Variants in SLC35F1 observed in about 807,000 individuals in gnomAD.
The protein encoded by SLC35F1 is solute carrier family 35 member F1, also known as chromosome 6 open reading frame 169.
SLC35F1 carries 14 observed loss-of-function variants against 48.7 expected under a neutral mutation model. The observed-to-expected ratio is 0.29, with a 90% CI of 0.19 to 0.45. The LOEUF (loss-of-function observed/expected upper bound fraction) is 0.45. SLC35F1 is among the 20% of genes least tolerant of loss of function. SLC35F1 has a pLI of 1.00. For synonymous variants in SLC35F1, 190 were observed against 202.2 expected (o/e 0.94, Z 0.51); for missense variants, 404 against 500.0 (o/e 0.81, Z 1.83).
intron 2 of SLC35F1, among the ~76,000 whole-genome samples, chr6:118,200,221 G>A (rs968861949): frequency 3.9e-5 from 6 of 152,066 alleles, no homozygotes. Flanking sequence ...ACCAGAGCTG[G>A]ACAGTAGTTA....
rs189506116 is a variant in SLC35F1 at position 117,916,593 on chromosome 6, C to T, written c.173+8694C>T. The stretch of plus-strand genomic sequence containing the variant: ...AGTATCAAGGCCCCAGCCAAATGGC[C>T]TGGTCTTCAGCTGGGGCACCTTGCC... On this transcript the variant is annotated intron_variant, in intron 1 of 7. Transcript: ENST00000360388. Among the ~76,000 whole-genome samples, 626 of 152,312 alleles carry T rather than the reference C, an allele frequency of 4.1e-3. 5 individuals carry two copies. The highest frequency in any genetic ancestry group is 0.02 in the Middle Eastern group (6 of 294).
Position 118,291,040 on chromosome 6 carries a change from A to T in SLC35F1, c.1002+5702A>T, listed in dbSNP as rs1056008686. 2.6e-5 allele frequency among the ~76,000 whole-genome samples: 4 copies of T among 152,108 alleles called. No individual in the cohort carries two copies. The South Asian group carries it at 8.3e-4, about 32-fold the overall frequency. On this transcript the variant is annotated intron_variant, in intron 7 of 7. Coordinates refer to ENST00000360388, the MANE Select transcript of SLC35F1 (RefSeq NM_001029858.4). ...GACCTCCTGACCTCATGATCCGCCC[A>T]CCTTGGCCTCCCAAAGTGCTGGGAT...
chr6:118,292,212 G>C (rs1309992609), intron 7 of SLC35F1, among the ~76,000 whole-genome samples: 1 of 152,142 alleles, frequency 6.6e-6, no homozygotes, highest in Non-Finnish European at 1.5e-5. Flanking sequence ...AGGTTTAAAG[G>C]CTCCCCAGGT....
chr6:118,235,535 C>T lies in SLC35F1; in HGVS notation c.376C>T (p.Arg126Ter). The change falls in exon 3 of 8, where the codon CGA becomes TGA. Residue 126 changes from arginine (R) to a stop codon, truncating the protein, a stop_gained. Transcript: ENST00000360388. LOFTEE classifies it high-confidence loss of function. ...AGAAGAAAACCTCCTGGCAATTTTA[C>T]GACGAAGATGGTGGAAGTACATGAT... is the stretch of plus-strand genomic sequence containing the variant. ...QGEENLLAILRRRWWKYMILG... is the reference protein window; with the variant it reads ...QGEENLLAIL The T allele has an allele frequency of 1.9e-6, 3 of 1,612,754 alleles. No homozygotes were observed. Among genetic ancestry groups the T allele is most frequent in the Non-Finnish European group, 2.5e-6 (3 of 1,179,214 alleles).
chr6:118,163,391 C>T (rs539785357), intron 2 of SLC35F1, among the ~76,000 whole-genome samples: 1 of 148,352 alleles, frequency 6.7e-6, no homozygotes, highest in Non-Finnish European at 1.5e-5. Context: ...TTAATGAATC[C>T]TTACATAAAC....
At chr6:118,151,768 T>C (rs1774061456) in intron 1 of SLC35F1, among the ~76,000 whole-genome samples, 1 of 152,142 alleles carries the variant, frequency 6.6e-6, no homozygotes, top group Non-Finnish European at 1.5e-5. Context: ...CTTCCTGCCT[T>C]AGCCTCCCAG....
chr6:118,085,862 G>C lies in SLC35F1; in HGVS notation c.174-68583G>C, dbSNP rs554046167. Among the ~76,000 whole-genome samples the C allele has an allele frequency of 2.6e-5, 4 of 152,220 alleles. No homozygotes were observed. The South Asian group carries it at 8.3e-4, about 32-fold the overall frequency. ...GGGCCTAAATTATCCTGAAGGACCTGTCCAGTCCTGAAATTTTACAGTTCT... is the reference window on the plus strand; with the variant it reads ...GGGCCTAAATTATCCTGAAGGACCTCTCCAGTCCTGAAATTTTACAGTTCT... On this transcript the variant is annotated intron_variant, in intron 1 of 7. Coordinates refer to ENST00000360388, the MANE Select transcript of SLC35F1 (RefSeq NM_001029858.4).
chr6:118,184,326 G>A (rs1392376828), intron 2 of SLC35F1, among the ~76,000 whole-genome samples: 1 of 152,186 alleles, frequency 6.6e-6, no homozygotes, highest in African/African-American at 2.4e-5. Flanking sequence ...ATGTGGAGCA[G>A]ATTTCCCAGA....
chr6:118,086,910 T>C (rs1772998974), intron 1 of SLC35F1, among the ~76,000 whole-genome samples: 1 of 152,210 alleles, frequency 6.6e-6, no homozygotes, highest in African/African-American at 2.4e-5. Flanking sequence ...TCTTAGAAAG[T>C]GTATCATGCC....
At chr6:117,925,915 C>A (rs1041924021) in intron 1 of SLC35F1, among the ~76,000 whole-genome samples, 6 of 152,316 alleles carry the variant, frequency 3.9e-5, no homozygotes, top group East Asian at 1.9e-4. Flanking sequence ...AAGGCCCCCA[C>A]TCCATGTCAT....
intron 3 of SLC35F1, among the ~76,000 whole-genome samples, chr6:118,257,258 C>A (rs771267225): frequency 6.6e-6 from 1 of 152,040 alleles, no homozygotes; most frequent in Non-Finnish European, 1.5e-5. Context: ...CAGTAGGAGA[C>A]TTTACCACTT....
intron 1 of SLC35F1, among the ~76,000 whole-genome samples, chr6:118,114,608 C>T (rs567505759): frequency 3.3e-5 from 5 of 152,100 alleles, no homozygotes; most frequent in African/African-American, 1.2e-4. Context: ...GATCTCCTGA[C>T]CTCGTGATCC....
At chr6:118,127,350 A>G (rs1773642413) in intron 1 of SLC35F1, among the ~76,000 whole-genome samples, 1 of 152,108 alleles carries the variant, frequency 6.6e-6, no homozygotes, top group Admixed American at 6.6e-5. Context: ...CATGGTGGAT[A>G]AGCTTTTTGA....
At chr6:117,958,110 A>T (rs953664854) in intron 1 of SLC35F1, among the ~76,000 whole-genome samples, 1 of 152,158 alleles carries the variant, frequency 6.6e-6, no homozygotes, top group African/African-American at 2.4e-5. Context: ...TAATGTGTGT[A>T]TTTGTGTATT....
intron 1 of SLC35F1, among the ~76,000 whole-genome samples, chr6:117,950,655 C>T (rs953523708): frequency 6.6e-6 from 1 of 151,930 alleles, no homozygotes; most frequent in Non-Finnish European, 1.5e-5. Context: ...GCACACATAG[C>T]CACAGATTAA....
At chr6:118,196,880 T>C (rs1193234946) in intron 2 of SLC35F1, among the ~76,000 whole-genome samples, 1 of 152,196 alleles carries the variant, frequency 6.6e-6, no homozygotes, top group African/African-American at 2.4e-5. Flanking sequence ...TAGCCTAACA[T>C]AAGGGTCCCA....
chr6:117,923,506 T>TACAC (rs60649718), intron 1 of SLC35F1, among the ~76,000 whole-genome samples: 143,209 of 144,154 alleles, frequency 0.99, 71,144 homozygotes, highest in Middle Eastern at 1. Flanking sequence ...AATATATATA[T>TACAC]ACACATACAT....
At chr6:118,262,183 C>T (rs1267665147) in intron 3 of SLC35F1, among the ~76,000 whole-genome samples, 5 of 152,022 alleles carry the variant, frequency 3.3e-5, no homozygotes, top group East Asian at 1.9e-4. Flanking sequence ...AGCACACTTT[C>T]GGAAGTGTGG....
chr6:118,128,744 T>C (rs1773666523), intron 1 of SLC35F1, among the ~76,000 whole-genome samples: 1 of 151,362 alleles, frequency 6.6e-6, no homozygotes, highest in South Asian at 2.1e-4. Context: ...CACAACAGCA[T>C]GGCACATGTA....
Sources: allele counts gnomAD v4.1 joint callset (sites outside exome capture counted in the v4.1 genomes callset), GRCh38; gene constraint gnomAD v4.1.1; transcripts MANE v1.5; gene names NCBI Gene and HGNC (gene_info 2026-07-23, HGNC 2026-07-21).